DPP6: variants seen among roughly 807,000 people sequenced by gnomAD.
The protein encoded by DPP6 is dipeptidyl peptidase like 6, also known as A-type potassium channel modulatory protein DPP6.
DPP6 carries 69 observed loss-of-function variants against 122.6 expected under a neutral mutation model. That is an observed-to-expected ratio of 0.56 (90% CI 0.46 to 0.69). The LOEUF (loss-of-function observed/expected upper bound fraction) is 0.69, where lower values mean the gene tolerates loss of function less well. DPP6 is among the 30% of genes least tolerant of loss of function. The pLI is 0.00. For missense variants in DPP6, 928 were observed against 1,116.9 expected, an observed-to-expected ratio of 0.83 and a Z score of 2.41; for synonymous variants, 418 against 433.1, an observed-to-expected ratio of 0.97 and a Z score of 0.43.
intron 1 of DPP6, among the ~76,000 whole-genome samples, chr7:154,072,753 T>C (rs1803215256): frequency 6.6e-6 from 1 of 152,376 alleles, no homozygotes; most frequent in South Asian, 2.1e-4. Flanking sequence ...GGGGGACTTG[T>C]CCCAGCACCA....
At chr7:154,824,765 G>A (rs1217987692) in intron 16 of DPP6, among the ~76,000 whole-genome samples, 2 of 152,204 alleles carry the variant, frequency 1.3e-5, no homozygotes, top group Non-Finnish European at 2.9e-5. Flanking sequence ...GTGCATTTCT[G>A]CTTCAGCAAT....
intron 1 of DPP6, among the ~76,000 whole-genome samples, chr7:154,315,833 A>G (rs1317027999): frequency 6.6e-6 from 1 of 152,206 alleles, no homozygotes; most frequent in African/African-American, 2.4e-5. Flanking sequence ...CATAGGGGTC[A>G]GTTTAACTAA....
chr7:154,051,321 C>T (rs1174069515), upstream of DPP6, among the ~76,000 whole-genome samples: 1 of 128,280 alleles, frequency 7.8e-6, no homozygotes, highest in Non-Finnish European at 1.7e-5. Context: ...ATAGGTCCTT[C>T]CCGGCCGGGA....
Position 154,893,476 on chromosome 7 carries a change from A to AAAGAAAAAAGAC in DPP6, c.*998_*999insGAAAAAAGACAA, listed in dbSNP as rs1806810557. The AAAGAAAAAAGAC allele has an allele frequency of 6.9e-6, 1 of 144,280 alleles. No individual in the cohort carries two copies. The highest frequency in any genetic ancestry group is 1.6e-5 in the Non-Finnish European group (1 of 64,434). The allele number at this position is 144,280 out of a possible 1,614,324, so 8.9% of individuals were successfully genotyped here. On this transcript the variant is annotated 3_prime_UTR_variant, in exon 26 of 26. Transcript: ENST00000377770. The stretch of plus-strand genomic sequence containing the variant: ...TTAAAAAAAAAAAAAAAAAAAAAAA[A>AAAGAAAAAAGAC]AAAACAGAAAAAAGACAAAGCGTCA...
chr7:154,379,736 G>A (rs1720599106), intron 1 of DPP6, among the ~76,000 whole-genome samples: 1 of 152,166 alleles, frequency 6.6e-6, no homozygotes, highest in African/African-American at 2.4e-5. Context: ...GAATATTCAT[G>A]TGTAATTTCA....
intron 19 of DPP6, among the ~76,000 whole-genome samples, chr7:154,874,683 C>A (rs2316535): frequency 4.6e-5 from 7 of 152,150 alleles, no homozygotes; most frequent in Non-Finnish European, 7.4e-5. Context: ...GGAGAGTGCC[C>A]GTGGTCGAAG....
At chr7:154,622,231 G>A (rs973619405) in intron 5 of DPP6, among the ~76,000 whole-genome samples, 1 of 152,150 alleles carries the variant, frequency 6.6e-6, no homozygotes, top group African/African-American at 2.4e-5. Context: ...GATGGCAAAT[G>A]ATATAGCGAC....
intron 18 of DPP6, among the ~76,000 whole-genome samples, chr7:154,871,894 A>AG (rs1804430186): frequency 6.6e-6 from 1 of 152,242 alleles, no homozygotes. Flanking sequence ...GTTGGAAGGT[A>AG]GGGGGCACAG....
At chr7:154,510,402 G>A (rs1825974077) in intron 3 of DPP6, among the ~76,000 whole-genome samples, 1 of 152,114 alleles carries the variant, frequency 6.6e-6, no homozygotes, top group African/African-American at 2.4e-5. Context: ...TGTAAAGCTT[G>A]TAAGAAGTGT....
chr7:154,881,240 T>C (rs1805364321), intron 21 of DPP6, among the ~76,000 whole-genome samples: 1 of 152,360 alleles, frequency 6.6e-6, no homozygotes, highest in African/African-American at 2.4e-5. Flanking sequence ...GCTGTAGCTC[T>C]TGGCATGGTA....
At chr7:154,669,303 T>G (rs1467612295) in intron 6 of DPP6, 57 bp from the exon 7 acceptor site, 1 of 1,551,478 alleles carries the variant, frequency 6.4e-7, no homozygotes, top group Middle Eastern at 1.7e-4. Flanking sequence ...TTGCAGCAGC[T>G]TAAATTCTTG....
At chr7:153,843,429 G>A in the DPP6 span, among the ~76,000 whole-genome samples, 1 of 152,132 alleles carries the variant, frequency 6.6e-6, no homozygotes, top group East Asian at 1.9e-4. Context: ...ACCCCACAAT[G>A]CAACGGGGCT....
intron 10 of DPP6, among the ~76,000 whole-genome samples, chr7:154,786,974 T>C (rs1361167651): frequency 1.3e-5 from 2 of 152,206 alleles, no homozygotes; most frequent in African/African-American, 4.8e-5. Flanking sequence ...TCATCCCTCA[T>C]GACCCTTCTA....
At chr7:154,268,170 G>A (rs939144624) in intron 1 of DPP6, among the ~76,000 whole-genome samples, 3 of 152,102 alleles carry the variant, frequency 2.0e-5, no homozygotes, top group Admixed American at 1.3e-4. Context: ...TTTCTATGAG[G>A]AATAAAAGTG....
chr7:154,017,702 A>G (rs867934662), intron 1 of DPP6, among the ~76,000 whole-genome samples: 4,350 of 141,152 alleles, frequency 0.031, 81 homozygotes, highest in South Asian at 0.078. Flanking sequence ...CTTGTCCTAA[A>G]AAAAATAAAA....
At chr7:154,658,927 A>C (rs1837444657) in intron 6 of DPP6, among the ~76,000 whole-genome samples, 1 of 152,144 alleles carries the variant, frequency 6.6e-6, no homozygotes. Context: ...TCGGCATAAA[A>C]CCAAGTTGGG....
intron 17 of DPP6, among the ~76,000 whole-genome samples, chr7:154,859,301 A>G (rs1320986733): frequency 1.3e-5 from 2 of 152,346 alleles, no homozygotes; most frequent in Non-Finnish European, 2.9e-5. Flanking sequence ...AGCGGGGCCC[A>G]TGGCCTACAG....
the DPP6 span, among the ~76,000 whole-genome samples, chr7:153,858,283 C>T: frequency 1.3e-5 from 2 of 152,240 alleles, no homozygotes; most frequent in East Asian, 3.9e-4. Flanking sequence ...TGACTGTATC[C>T]ACCAGAAACA....
intron 3 of DPP6, among the ~76,000 whole-genome samples, chr7:154,538,898 C>A (rs897673376): frequency 6.6e-6 from 1 of 152,156 alleles, no homozygotes; most frequent in Non-Finnish European, 1.5e-5. Context: ...TAAATGAAAA[C>A]AATTTCACCT....
Sources: gnomAD v4.1 joint callset for allele counts (sites outside exome capture counted in the v4.1 genomes callset) on GRCh38, gnomAD v4.1.1 for gene constraint, MANE v1.5 for transcripts, NCBI Gene and HGNC (gene_info 2026-07-23, HGNC 2026-07-21) for gene names.